TMPRSS11D: variants seen among roughly 807,000 people sequenced by gnomAD.
TMPRSS11D encodes transmembrane protease serine 11D.
TMPRSS11D carries 32 observed loss-of-function variants against 44.4 expected under a neutral mutation model. That is an observed-to-expected ratio of 0.72 (90% CI 0.54 to 0.97). The LOEUF is 0.97. Among genes scored for constraint, TMPRSS11D ranks in the 50% least tolerant of loss-of-function variants. The probability of loss-of-function intolerance (pLI) is 0.00; values close to 1 mark genes in which losing one functional copy is unlikely to be tolerated. For missense variants in TMPRSS11D, 446 were observed against 502.6 expected, an observed-to-expected ratio of 0.89 and a Z score of 1.08; for synonymous variants, 179 against 177.9, an observed-to-expected ratio of 1.01 and a Z score of -0.05.
intron 7 of TMPRSS11D, among the ~76,000 whole-genome samples, chr4:67,832,829 A>C (rs1717979185): frequency 6.6e-6 from 1 of 151,964 alleles, no homozygotes; most frequent in South Asian, 2.1e-4. Flanking sequence ...GTATGTTTAC[A>C]TTAGTGTACT....
At chr4:67,844,881 T>A (rs1389495791) in intron 3 of TMPRSS11D, among the ~76,000 whole-genome samples, 5 of 152,318 alleles carry the variant, frequency 3.3e-5, no homozygotes, top group African/African-American at 1.2e-4. Flanking sequence ...GTAATCTACT[T>A]AGAAGCATGA....
intron 3 of TMPRSS11D, among the ~76,000 whole-genome samples, chr4:67,851,592 T>A (rs1289452334): frequency 2.0e-5 from 3 of 152,150 alleles, no homozygotes; most frequent in Non-Finnish European, 2.9e-5. Flanking sequence ...GGATTGTTCA[T>A]CTTGTATCTT....
intron 7 of TMPRSS11D, 114 bp downstream of exon 7, chr4:67,833,090 G>A: frequency 3.8e-6 from 4 of 1,061,326 alleles, no homozygotes; most frequent in Non-Finnish European, 4.9e-6. Context: ...AATTCTTACT[G>A]ATTTTTTTGC....
intron 1 of TMPRSS11D, among the ~76,000 whole-genome samples, chr4:67,865,281 A>G (rs1251515744): frequency 6.6e-6 from 1 of 151,824 alleles, no homozygotes; most frequent in African/African-American, 2.4e-5. Context: ...TGGGTCAATA[A>G]CAAAATAAAG....
At chr4:67,851,313 T>C (rs533479403) in intron 3 of TMPRSS11D, among the ~76,000 whole-genome samples, 7 of 152,152 alleles carry the variant, frequency 4.6e-5, no homozygotes, top group Non-Finnish European at 8.8e-5. Flanking sequence ...GAAAATATAC[T>C]CCCAAACAAC....
intron 1 of TMPRSS11D, among the ~76,000 whole-genome samples, chr4:67,866,432 G>GA (rs1718927917): frequency 2.0e-5 from 3 of 151,886 alleles, no homozygotes; most frequent in Admixed American, 2.0e-4. Flanking sequence ...CGAAGAATTG[G>GA]AACAAGGCAA....
At chr4:67,867,315 A>G (rs1483381917) in intron 1 of TMPRSS11D, among the ~76,000 whole-genome samples, 1 of 152,078 alleles carries the variant, frequency 6.6e-6, no homozygotes, top group Non-Finnish European at 1.5e-5. Flanking sequence ...ATCTCTCACC[A>G]TATGTAAAAA....
chr4:67,881,039 G>A (rs1456647553), intron 1 of TMPRSS11D, among the ~76,000 whole-genome samples: 4 of 152,152 alleles, frequency 2.6e-5, no homozygotes, highest in Non-Finnish European at 5.9e-5. Flanking sequence ...CATGTCATGA[G>A]CATATACTAA....
At chr4:67,863,388 A>G (rs1191689826) in intron 1 of TMPRSS11D, among the ~76,000 whole-genome samples, 1 of 151,220 alleles carries the variant, frequency 6.6e-6, no homozygotes, top group African/African-American at 2.4e-5. Context: ...TTTTTCTCCC[A>G]TTGGACTATA....
At chr4:67,869,366 A>G (rs1268991113) in intron 1 of TMPRSS11D, among the ~76,000 whole-genome samples, 1 of 152,158 alleles carries the variant, frequency 6.6e-6, no homozygotes, top group Non-Finnish European at 1.5e-5. Context: ...TCCCATTACT[A>G]TAGCCTTAGG....
chr4:67,828,070 A>C (rs1717851674), intron 7 of TMPRSS11D, among the ~76,000 whole-genome samples: 1 of 151,268 alleles, frequency 6.6e-6, no homozygotes, highest in Non-Finnish European at 1.5e-5. Context: ...ATATATATAC[A>C]TATGTATGTA....
At chr4:67,877,167 T>A (rs76470115) in intron 1 of TMPRSS11D, among the ~76,000 whole-genome samples, 1,747 of 152,256 alleles carry the variant, frequency 0.011, 14 homozygotes, top group Non-Finnish European at 0.017. Flanking sequence ...AATTTTTTTT[T>A]AAATCTTTTG....
In TMPRSS11D at chr4:67,868,266, G is replaced by A. The variant is rs187910997; in HGVS notation, c.9-8588C>T. On this transcript the variant is annotated intron_variant, in intron 1 of 9. Transcript: ENST00000283916. ...GGGAGCTAAATAATGTGCACGCATG[G>A]ACAGAGAGAGTAGAATAATGGAGAC... Among the ~76,000 whole-genome samples the A allele has an allele frequency of 3.8e-4, 58 of 152,244 alleles. 1 individual carries two copies. The highest frequency in any genetic ancestry group is 3.4e-3 in the Middle Eastern group (1 of 294).
At chr4:67,843,294 A>G (rs1215739723) in intron 3 of TMPRSS11D, among the ~76,000 whole-genome samples, 1 of 151,896 alleles carries the variant, frequency 6.6e-6, no homozygotes, top group Non-Finnish European at 1.5e-5. Context: ...GGAAGAGGGG[A>G]AAAGAGGTGA....
chr4:67,822,771 T>C (rs1717681477), intron 9 of TMPRSS11D, among the ~76,000 whole-genome samples: 1 of 152,306 alleles, frequency 6.6e-6, no homozygotes, highest in Admixed American at 6.5e-5. Context: ...ATCCAGGCTT[T>C]CTCTCCTTCG....
chr4:67,864,571 A>AG (rs138866068), intron 1 of TMPRSS11D, among the ~76,000 whole-genome samples: 12,838 of 151,922 alleles, frequency 0.085, 1,797 homozygotes, highest in African/African-American at 0.29. Context: ...GAAATGACAG[A>AG]AAAGAAATAA....
At chr4:67,877,188 C>G (rs1461366659) in intron 1 of TMPRSS11D, among the ~76,000 whole-genome samples, 1 of 152,092 alleles carries the variant, frequency 6.6e-6, no homozygotes, top group Non-Finnish European at 1.5e-5. Flanking sequence ...CTAATTGCAT[C>G]TCCTCTAGTC....
At chr4:67,839,198 A>G (rs952077901) in intron 4 of TMPRSS11D, 25 of 152,152 alleles carry the variant, frequency 1.6e-4, no homozygotes, top group Admixed American at 3.9e-4. Context: ...AATGTTAGAT[A>G]AACAACTTCT....
chr4:67,833,071 T>A, intron 7 of TMPRSS11D, 133 bp downstream of exon 7: 2 of 853,800 alleles, frequency 2.3e-6, no homozygotes, highest in Non-Finnish European at 3.2e-6. Context: ...CTTTCATGAA[T>A]AGGAAGAAAA....
Sources: gnomAD v4.1 joint callset for allele counts (sites outside exome capture counted in the v4.1 genomes callset) on GRCh38, gnomAD v4.1.1 for gene constraint, MANE v1.5 for transcripts, NCBI Gene and HGNC (gene_info 2026-07-23, HGNC 2026-07-21) for gene names.